The following GDAP1L1 variants were observed in gnomAD, a reference collection of about 807,000 sequenced individuals.
GDAP1L1 encodes ganglioside-induced differentiation-associated protein 1-like 1.
Under a neutral mutation model 37.1 loss-of-function variants are expected in GDAP1L1, and 21 were observed. The observed-to-expected ratio is 0.57, with a 90% confidence interval of 0.40 to 0.81. The LOEUF is 0.81. Among genes scored for constraint, GDAP1L1 ranks in the 40% least tolerant of loss-of-function variants. GDAP1L1 has a pLI of 0.00. For missense variants in GDAP1L1, 362 were observed against 491.6 expected (o/e 0.74, Z 2.49); for synonymous variants, 193 against 209.1 (o/e 0.92, Z 0.67).
intron 5 of GDAP1L1, among the ~76,000 whole-genome samples, chr20:44,269,606 A>C (rs1479674872): frequency 1.3e-5 from 2 of 152,130 alleles, no homozygotes; most frequent in Admixed American, 1.3e-4. Context: ...AGGAATTTAC[A>C]TGAGGGTTGG....
intron 3 of GDAP1L1, among the ~76,000 whole-genome samples, chr20:44,260,132 C>T (rs934486042): frequency 6.6e-6 from 1 of 152,102 alleles, no homozygotes; most frequent in Non-Finnish European, 1.5e-5. Context: ...GCAAGAATAT[C>T]GCTGGAAATT....
chr20:44,248,557 C>G (rs190126702), intron 1 of GDAP1L1, among the ~76,000 whole-genome samples: 1 of 152,226 alleles, frequency 6.6e-6, no homozygotes, highest in African/African-American at 2.4e-5. Flanking sequence ...ATCTGGAAAG[C>G]GGGATAGTGA....
rs745509349 is a variant in GDAP1L1 at position 44,247,436 on chromosome 20, C to T, written c.102C>T (p.Pro34=). 3 of 1,608,614 alleles carry T rather than the reference C, an allele frequency of 1.9e-6. No homozygotes were observed. The highest frequency in any genetic ancestry group is 2.7e-5 in the African/African-American group (2 of 74,908). Residue 34 remains proline (P), a synonymous_variant, in exon 1 of 6, where the codon CCC becomes CCT. Coordinates refer to ENST00000342560, the MANE Select transcript of GDAP1L1 (RefSeq NM_024034.6). ...AAKPAEAPDA[P]EAASPAHWPR... ...AGCCAGCGGAGGCCCCCGACGCTCC[C>T]GAGGCGGCCAGCCCCGCCCATTGGC...
intron 1 of GDAP1L1, among the ~76,000 whole-genome samples, chr20:44,256,345 T>C (rs986646680): frequency 6.6e-6 from 1 of 152,036 alleles, no homozygotes; most frequent in African/African-American, 2.4e-5. Flanking sequence ...CCCAAATAAT[T>C]TGAGAAATTT....
intron 1 of GDAP1L1, among the ~76,000 whole-genome samples, chr20:44,253,913 G>C (rs1294069001): frequency 6.6e-6 from 1 of 152,262 alleles, no homozygotes; most frequent in African/African-American, 2.4e-5. Context: ...GGGAGACCCA[G>C]GGTAGAGCAT....
chr20:44,264,696 A>G (rs1387483284), intron 5 of GDAP1L1, 137 bp downstream of exon 5: 2 of 1,483,338 alleles, frequency 1.3e-6, no homozygotes, highest in Non-Finnish European at 1.8e-6. Flanking sequence ...ATGGAGTCAG[A>G]CTAAGGTTCA....
At chr20:44,271,597 T>C (rs756832426) in intron 5 of GDAP1L1, among the ~76,000 whole-genome samples, 1 of 152,144 alleles carries the variant, frequency 6.6e-6, no homozygotes, top group East Asian at 1.9e-4. Flanking sequence ...TGAGTGTAGA[T>C]ACCTCTTTTG....
chr20:44,259,492 A>T (rs1423791688), intron 3 of GDAP1L1, among the ~76,000 whole-genome samples: 3 of 132,514 alleles, frequency 2.3e-5, no homozygotes, highest in Non-Finnish European at 3.2e-5. Context: ...AAGACTCAGA[A>T]TTTTTTTTTT....
intron 5 of GDAP1L1, among the ~76,000 whole-genome samples, chr20:44,273,666 G>A (rs2062543497): frequency 6.6e-6 from 1 of 152,142 alleles, no homozygotes; most frequent in South Asian, 2.1e-4. Flanking sequence ...ACAGGATGCT[G>A]GCAGGACTCA....
At chr20:44,249,594 G>A (rs895677132) in intron 1 of GDAP1L1, among the ~76,000 whole-genome samples, 3 of 152,244 alleles carry the variant, frequency 2.0e-5, no homozygotes, top group Non-Finnish European at 4.4e-5. Context: ...ACCATATCAT[G>A]AGGGAGCCTC....
chr20:44,275,310 C>T (rs568639900), intron 5 of GDAP1L1, among the ~76,000 whole-genome samples: 7 of 152,260 alleles, frequency 4.6e-5, no homozygotes, highest in East Asian at 3.9e-4. Context: ...TGTATTGTGT[C>T]GTGTCTTCAT....
intron 3 of GDAP1L1, among the ~76,000 whole-genome samples, chr20:44,262,224 A>AGGGT (rs2073686032): frequency 6.6e-6 from 1 of 152,060 alleles, no homozygotes; most frequent in African/African-American, 2.4e-5. Flanking sequence ...GAGGTGACAG[A>AGGGT]GGGTGGGTGA....
At chr20:44,247,793 T>TG (rs750857049) in intron 1 of GDAP1L1, among the ~76,000 whole-genome samples, 197 of 77,244 alleles carry the variant, frequency 2.6e-3, no homozygotes, top group East Asian at 0.015. Flanking sequence ...GCGGGGCGGG[T>TG]TGGGGGGGCT....
intron 1 of GDAP1L1, among the ~76,000 whole-genome samples, chr20:44,250,724 T>A (rs182713604): frequency 8.5e-5 from 13 of 152,318 alleles, no homozygotes; most frequent in African/African-American, 3.1e-4. Context: ...GCCACAGGGT[T>A]TGAAGGAGGC....
chr20:44,279,450 C>A lies in GDAP1L1; in HGVS notation c.*150C>A, dbSNP rs2062619003. 2 of 712,194 alleles carry A rather than the reference C, an allele frequency of 2.8e-6. No individual in the cohort carries two copies. Among genetic ancestry groups the A allele is most frequent in the Non-Finnish European group, 5.2e-6 (2 of 386,808 alleles). 44.1% of individuals were successfully genotyped at this position (712,194 alleles called of 1,614,324 possible). A position where few individuals can be genotyped will look rare whatever the true frequency, so the allele number is the denominator to read the frequency against. On this transcript the variant is annotated 3_prime_UTR_variant, in exon 6 of 6. Coordinates refer to ENST00000342560, the MANE Select transcript of GDAP1L1 (RefSeq NM_024034.6). ...ATAATACCGTCAGTGTGAAAACATT[C>A]CGTAGTTTAGAAGTAGACGTTGCCA...
At chr20:44,253,273 G>T (rs2073479341) in intron 1 of GDAP1L1, among the ~76,000 whole-genome samples, 1 of 152,174 alleles carries the variant, frequency 6.6e-6, no homozygotes, top group Non-Finnish European at 1.5e-5. Flanking sequence ...TTTCCAACAA[G>T]ACCTGGCACA....
chr20:44,253,665 C>A (rs369308443), intron 1 of GDAP1L1, among the ~76,000 whole-genome samples: 1 of 152,216 alleles, frequency 6.6e-6, no homozygotes, highest in African/African-American at 2.4e-5. Flanking sequence ...TCTGGTCCAG[C>A]CTCCAGGGGG....
chr20:44,262,217 G>C (rs1339354740), intron 3 of GDAP1L1, among the ~76,000 whole-genome samples: 1 of 152,050 alleles, frequency 6.6e-6, no homozygotes, highest in Non-Finnish European at 1.5e-5. Flanking sequence ...GAGAGGGGAG[G>C]TGACAGAGGG....
intron 1 of GDAP1L1, among the ~76,000 whole-genome samples, chr20:44,251,302 G>A (rs2073436869): frequency 1.3e-5 from 2 of 152,160 alleles, no homozygotes; most frequent in Non-Finnish European, 2.9e-5. Flanking sequence ...GGTCGTCTCT[G>A]GCTCCCTGCA....
Sources: gnomAD v4.1 joint callset for allele counts (sites outside exome capture counted in the v4.1 genomes callset) on GRCh38, gnomAD v4.1.1 for gene constraint, MANE v1.5 for transcripts, NCBI Gene and HGNC (gene_info 2026-07-23, HGNC 2026-07-21) for gene names.